Variants in DDC observed in about 807,000 individuals in gnomAD.
DDC encodes aromatic-L-amino-acid decarboxylase.
In DDC, 43 loss-of-function variants were observed where a neutral mutation model predicts 60.0. The ratio of observed to expected loss-of-function variants is 0.72; its 90% CI spans 0.56 to 0.92. The LOEUF (loss-of-function observed/expected upper bound fraction) is 0.92, where lower values mean the gene tolerates loss of function less well. Among genes scored for constraint, DDC ranks in the 40% least tolerant of loss-of-function variants. DDC has a pLI of 0.00. For missense variants in DDC, 573 were observed against 620.2 expected, an observed-to-expected ratio of 0.92 and a Z score of 0.81; for synonymous variants, 232 against 234.6, an observed-to-expected ratio of 0.99 and a Z score of 0.10.
intron 1 of DDC, among the ~76,000 whole-genome samples, chr7:50,553,095 T>C (rs548037715): frequency 1.6e-4 from 25 of 152,328 alleles, no homozygotes; most frequent in Admixed American, 1.0e-3. Context: ...GGCAAGCCCA[T>C]CCACGCCACT....
intron 10 of DDC, among the ~76,000 whole-genome samples, chr7:50,479,082 G>A (rs1301763086): frequency 6.6e-6 from 1 of 152,142 alleles, no homozygotes; most frequent in Non-Finnish European, 1.5e-5. Context: ...CCATTAATTA[G>A]CCAGATACAC....
At chr7:50,527,327 T>C (rs4947625) in intron 6 of DDC, among the ~76,000 whole-genome samples, 144,801 of 152,250 alleles carry the variant, frequency 0.95, 68,950 homozygotes, top group Non-Finnish European at 0.98. Context: ...GTTTTCATTC[T>C]TGAAACCTAA....
intron 5 of DDC, 108 bp downstream of exon 5, chr7:50,529,100 G>A (rs1048713875): frequency 4.6e-5 from 66 of 1,443,786 alleles, no homozygotes; most frequent in Admixed American, 6.7e-5. Context: ...GATACCTGAG[G>A]AACTGTTCTT....
Position 50,463,211 on chromosome 7 carries a change from A to G in DDC, c.*18+2T>C, listed in dbSNP as rs1380838706. The G allele has an allele frequency of 8.8e-6, 14 of 1,595,062 alleles. No homozygotes were observed. The highest frequency in any genetic ancestry group is 1.1e-5 in the South Asian group (1 of 88,514). Reference sequence around the variant, plus strand: ...GCAGAAAATGAGCCCAGGGCAGCCTACCTGCAGCTGGCTTCACTCCTACTC... The same window carrying G: ...GCAGAAAATGAGCCCAGGGCAGCCTGCCTGCAGCTGGCTTCACTCCTACTC... On this transcript the variant is annotated splice_donor_variant, in intron 14 of 14. Transcript: ENST00000444124. LOFTEE classifies it low-confidence loss of function (3UTR_SPLICE).
chr7:50,519,046 G>C lies in DDC; in HGVS notation c.714+9091C>G, dbSNP rs192324629. Among the ~76,000 whole-genome samples the C allele has an allele frequency of 1.6e-4, 25 of 152,018 alleles. No individual in the cohort carries two copies. The East Asian group carries it at 4.8e-3, about 29-fold the overall frequency. On this transcript the variant is annotated intron_variant, in intron 6 of 14. Coordinates refer to ENST00000444124, the MANE Select transcript of DDC (RefSeq NM_001082971.2). ...ATGAACTCAAACAAATCAGTAACAC[G>C]ATAAACAAACAATCCCATCAAAAAC... is the stretch of plus-strand genomic sequence containing the variant.
intron 13 of DDC, among the ~76,000 whole-genome samples, chr7:50,465,434 A>G (rs939220317): frequency 2.7e-5 from 4 of 148,156 alleles, no homozygotes; most frequent in South Asian, 2.2e-4. Context: ...GCAGTAGCAC[A>G]ATCTCAGCTC....
chr7:50,458,867 A>C (rs1585120412), intron 14 of DDC, 24 bp from the exon 15 acceptor site: 1 of 151,916 alleles, frequency 6.6e-6, no homozygotes, highest in African/African-American at 2.4e-5. Context: ...AAATAGCATG[A>C]GCATATGGCT....
In DDC at chr7:50,544,025, T is replaced by C. The variant is rs951039438; in HGVS notation, c.61A>G (p.Met21Val). The C allele has an allele frequency of 2.5e-6, 4 of 1,614,132 alleles. No individual in the cohort carries two copies. Among genetic ancestry groups the C allele is most frequent in the South Asian group, 1.1e-5 (1 of 91,084 alleles). ...KEMVDYMANY[M>V]EGIEGRQVYP... ...ACCTGGCGTCCCTCAATGCCTTCCA[T>C]GTAGTTGGCCATGTAATCCACCATC... The change falls in exon 2 of 15, where the codon ATG (methionine) becomes GTG (valine). Residue 21 changes from methionine to valine, a missense_variant. By Grantham distance (21) the Met-to-Val change is conservative (BLOSUM62 1). Transcript: ENST00000444124.
intron 4 of DDC, among the ~76,000 whole-genome samples, chr7:50,535,853 A>G (rs576823644): frequency 6.6e-6 from 1 of 152,312 alleles, no homozygotes; most frequent in Non-Finnish European, 1.5e-5. Context: ...TTGAGAGATT[A>G]TCTCAGATTG....
At chr7:50,540,273 C>A in intron 2 of DDC, 1 of 475,870 alleles carries the variant, frequency 2.1e-6, no homozygotes, top group Non-Finnish European at 3.9e-6. Flanking sequence ...AATGTATTTG[C>A]TAGCTCAGAA....
At chr7:50,547,391 A>G (rs1428400062) in intron 1 of DDC, among the ~76,000 whole-genome samples, 1 of 150,870 alleles carries the variant, frequency 6.6e-6, no homozygotes, top group Non-Finnish European at 1.5e-5. Context: ...TTTTTTTTGT[A>G]TTTTTAGTAG....
At chr7:50,499,761 T>G (rs779134301) in intron 7 of DDC, among the ~76,000 whole-genome samples, 1 of 152,220 alleles carries the variant, frequency 6.6e-6, no homozygotes, top group South Asian at 2.1e-4. Flanking sequence ...GCTTTCTTCA[T>G]GAACAGGGTT....
rs10574868 is a variant in DDC, at chr7:50,537,037, G to GTTT, written c.435+820_435+822dup. On this transcript the variant is annotated intron_variant, in intron 4 of 14. Coordinates refer to ENST00000444124, the MANE Select transcript of DDC (RefSeq NM_001082971.2). ...AGTTCATATTCCATGCTAGGAAGTT[G>GTTT]TTTTTTTTTTTTTTTTTTAATGCAT... 1.2e-3 allele frequency among the ~76,000 whole-genome samples: 169 copies of GTTT among 140,386 alleles called. 3 individuals carry two copies. The highest frequency in any genetic ancestry group is 3.2e-3 in the African/African-American group (123 of 37,960). 92.1% of individuals were successfully genotyped at this position (140,386 alleles called of 152,430 possible).
intron 1 of DDC, among the ~76,000 whole-genome samples, chr7:50,544,864 G>A (rs2044859): frequency 0.62 from 94,151 of 152,066 alleles, 29,498 homozygotes; most frequent in Admixed American, 0.72. Context: ...CAACAAATCA[G>A]TACATAAACT....
chr7:50,527,026 T>TAC (rs2044056154), intron 6 of DDC, among the ~76,000 whole-genome samples: 1 of 115,650 alleles, frequency 8.6e-6, no homozygotes, highest in Non-Finnish European at 2.1e-5. Flanking sequence ...GTGAGATTTT[T>TAC]AACATACCTC....
rs557987417 is a variant in DDC at position 50,528,063 on chromosome 7, A to AT, written c.714+73dup. On this transcript the variant is annotated intron_variant, in intron 6 of 14. Coordinates refer to ENST00000444124, the MANE Select transcript of DDC (RefSeq NM_001082971.2). ...AAGAATGCGCCACCATGCCCGGCTA[A>AT]TTTTTTTTTGTATTTTTAGTAGAGA... The AT allele has an allele frequency of 4.8e-4, 725 of 1,522,736 alleles. 1 individual carries two copies. Among genetic ancestry groups the AT allele is most frequent in the Admixed American group, 1.2e-3 (65 of 55,524 alleles). 94.3% of individuals were successfully genotyped at this position (1,522,736 alleles called of 1,614,324 possible).
chr7:50,462,348 T>G (rs2042297029), intron 14 of DDC, among the ~76,000 whole-genome samples: 1 of 151,056 alleles, frequency 6.6e-6, no homozygotes, highest in Non-Finnish European at 1.5e-5. Flanking sequence ...CCCACAAACA[T>G]AATTTTAAAT....
chr7:50,518,165 T>C (rs1255129526), intron 6 of DDC, among the ~76,000 whole-genome samples: 1 of 146,946 alleles, frequency 6.8e-6, no homozygotes, highest in Non-Finnish European at 1.5e-5. Flanking sequence ...TGAGCCAAGA[T>C]CATGCCACTG....
chr7:50,463,233 A>G lies in DDC; in HGVS notation c.1441T>C (p.Ter481GlnextTer2). Residue 481 changes from the stop codon to glutamine, a stop_lost, in exon 14 of 15, where the codon TAG becomes CAG. Transcript: ENST00000444124. ...CCTACCTGCAGCTGGCTTCACTCCT[A>G]CTCCCTCTCTGCTCGCAGCACGTCG... ...AADVLRAERE[*>Q] 6.2e-7 allele frequency: 1 copy of G among 1,610,126 alleles called. No homozygotes were observed. The highest frequency in any genetic ancestry group is 8.5e-7 in the Non-Finnish European group (1 of 1,178,508).
Sources: gnomAD v4.1 joint callset for allele counts (sites outside exome capture counted in the v4.1 genomes callset) on GRCh38, gnomAD v4.1.1 for gene constraint, MANE v1.5 for transcripts, NCBI Gene and HGNC (gene_info 2026-07-23, HGNC 2026-07-21) for gene names.